The following PPM1H variants were observed in gnomAD, a reference collection of about 807,000 sequenced individuals.
PPM1H encodes the protein protein phosphatase, Mg2+/Mn2+ dependent 1H.
In PPM1H, 27 loss-of-function variants were observed where a neutral mutation model predicts 54.9. The observed-to-expected ratio is 0.49, with a 90% CI of 0.36 to 0.68. The LOEUF (loss-of-function observed/expected upper bound fraction) is 0.68. Among genes scored for constraint, PPM1H ranks in the 30% least tolerant of loss-of-function variants. The probability of loss-of-function intolerance (pLI) is 0.00; values close to 1 mark genes in which losing one functional copy is unlikely to be tolerated. For synonymous variants in PPM1H, 305 were observed against 270.8 expected (o/e 1.13, Z -1.24); for missense variants, 596 against 667.8 (o/e 0.89, Z 1.19).
Position 62,711,644 on chromosome 12 carries a change from T to C in PPM1H, c.1073+8527A>G, listed in dbSNP as rs116362399. Among the ~76,000 whole-genome samples the C allele has an allele frequency of 2.6e-3, 398 of 152,176 alleles. 3 individuals are homozygous for C. Among genetic ancestry groups the C allele is most frequent in the African/African-American group, 9.4e-3 (390 of 41,526 alleles). ...AGCGCCGTGTGACTCTGCTTAAGCGTATGTGGATAATAGATATAAATGCTG... is the reference window on the plus strand; with the variant it reads ...AGCGCCGTGTGACTCTGCTTAAGCGCATGTGGATAATAGATATAAATGCTG... On this transcript the variant is annotated intron_variant, in intron 6 of 9. Coordinates refer to ENST00000228705, the MANE Select transcript of PPM1H (RefSeq NM_020700.2).
rs1868903015 is a variant in PPM1H at position 62,844,919 on chromosome 12, C to G, written c.246-12640G>C. Among the ~76,000 whole-genome samples the G allele has an allele frequency of 6.6e-6, 1 of 152,174 alleles. No individual in the cohort carries two copies. The highest frequency in any genetic ancestry group is 1.5e-5 in the Non-Finnish European group (1 of 68,030). On this transcript the variant is annotated intron_variant, in intron 1 of 9. Coordinates refer to ENST00000228705, the MANE Select transcript of PPM1H (RefSeq NM_020700.2). The surrounding 1 kb of genome is among the most constrained non-coding windows in gnomAD (Gnocchi z 5.2). ...AAAAAATTAATTATAAGCACTTCTA[C>G]TAGGAAATGAGCTTGGGAGTAGGAT...
At chr12:62,755,470 T>C in intron 4 of PPM1H, 2 of 682,092 alleles carry the variant, frequency 2.9e-6, no homozygotes, top group Admixed American at 3.6e-5. Context: ...GCGAGATCCC[T>C]CCAAAATCAG....
intron 8 of PPM1H, among the ~76,000 whole-genome samples, chr12:62,684,713 A>G (rs2076042022): frequency 6.6e-6 from 1 of 152,184 alleles, no homozygotes; most frequent in Non-Finnish European, 1.5e-5. Flanking sequence ...GCAAAGACAG[A>G]ACATAGCAGG....
At chr12:62,733,713 T>C (rs915533378) in intron 5 of PPM1H, among the ~76,000 whole-genome samples, 13 of 152,358 alleles carry the variant, frequency 8.5e-5, no homozygotes, top group Admixed American at 2.0e-4. Context: ...GAGAAATGTT[T>C]TTAGTTATAA....
chr12:62,840,917 C>A (rs1285269314), intron 1 of PPM1H, among the ~76,000 whole-genome samples: 1 of 151,264 alleles, frequency 6.6e-6, no homozygotes, highest in Non-Finnish European at 1.5e-5. Context: ...CAGGCAGGGT[C>A]TCTTACAATA....
chr12:62,870,133 A>T (rs1869926496), intron 1 of PPM1H, among the ~76,000 whole-genome samples: 1 of 152,208 alleles, frequency 6.6e-6, no homozygotes, highest in Non-Finnish European at 1.5e-5. Context: ...AGTGCAGTGA[A>T]ATAAACTCTA....
In PPM1H at chr12:62,889,740, T is replaced by C. The variant is rs567282445; in HGVS notation, c.245+44752A>G. Among the ~76,000 whole-genome samples, 5 of 152,296 alleles carry C rather than the reference T, an allele frequency of 3.3e-5. No individual in the cohort carries two copies. The South Asian group carries it at 1.0e-3, about 32-fold the overall frequency. ...AAATCCACATGCAAAAAAATGACTC[T>C]AGACACAGATTTTACACATTTCACA... On this transcript the variant is annotated intron_variant, in intron 1 of 9. Coordinates refer to ENST00000228705, the MANE Select transcript of PPM1H (RefSeq NM_020700.2).
chr12:62,741,617 C>T (rs2076381242), intron 4 of PPM1H, among the ~76,000 whole-genome samples: 2 of 152,178 alleles, frequency 1.3e-5, no homozygotes, highest in Non-Finnish European at 2.9e-5. Context: ...CTGGCCTACC[C>T]TCCATGCCCC....
intron 1 of PPM1H, among the ~76,000 whole-genome samples, chr12:62,919,299 GTA>G (rs1871718469): frequency 1.3e-5 from 2 of 152,192 alleles, no homozygotes; most frequent in South Asian, 4.1e-4. Flanking sequence ...ACTCATCTGA[GTA>G]TAGTTTGTTG....
chr12:62,672,779 T>C (rs774261798), intron 8 of PPM1H, among the ~76,000 whole-genome samples: 5 of 152,176 alleles, frequency 3.3e-5, no homozygotes, highest in African/African-American at 9.6e-5. Flanking sequence ...ACCCAGGGGG[T>C]TGGTCATCTT....
intron 9 of PPM1H, among the ~76,000 whole-genome samples, chr12:62,654,317 C>CA (rs1001297101): frequency 2.0e-5 from 3 of 149,760 alleles, no homozygotes; most frequent in African/African-American, 7.4e-5. Flanking sequence ...CACTAGGAGG[C>CA]AAAATGGCCG....
chr12:62,860,429 G>T, intron 1 of PPM1H, among the ~76,000 whole-genome samples: 1 of 152,094 alleles, frequency 6.6e-6, no homozygotes. Context: ...TACCTTTCAA[G>T]CCTAAAGATC....
chr12:62,915,289 C>T (rs1871584835), intron 1 of PPM1H, among the ~76,000 whole-genome samples: 1 of 152,178 alleles, frequency 6.6e-6, no homozygotes, highest in Non-Finnish European at 1.5e-5. Context: ...TATTTCTTGG[C>T]ATATGTGGTG....
intron 8 of PPM1H, among the ~76,000 whole-genome samples, chr12:62,678,000 C>A (rs2075997513): frequency 6.6e-6 from 1 of 151,844 alleles, no homozygotes; most frequent in African/African-American, 2.4e-5. Flanking sequence ...GACAATTGTG[C>A]ACTGGTGCAA....
chr12:62,670,508 A>G (rs2075951193), intron 8 of PPM1H, among the ~76,000 whole-genome samples: 1 of 152,146 alleles, frequency 6.6e-6, no homozygotes, highest in African/African-American at 2.4e-5. Flanking sequence ...GTAGGGTGCC[A>G]AACCCTCTTT....
At chr12:62,657,927 C>T (rs1028891657) in intron 9 of PPM1H, among the ~76,000 whole-genome samples, 2 of 152,046 alleles carry the variant, frequency 1.3e-5, no homozygotes, top group Non-Finnish European at 2.9e-5. Flanking sequence ...GAAGGCTTCT[C>T]TCATTAGAGA....
chr12:62,719,588 A>G (rs887313466), intron 6 of PPM1H, among the ~76,000 whole-genome samples: 1 of 152,216 alleles, frequency 6.6e-6, no homozygotes, highest in African/African-American at 2.4e-5. Flanking sequence ...ATGCTTACAC[A>G]GTTGTGTTTT....
At chr12:62,827,576 T>C (rs994961884) in intron 2 of PPM1H, among the ~76,000 whole-genome samples, 1 of 152,212 alleles carries the variant, frequency 6.6e-6, no homozygotes, top group African/African-American at 2.4e-5. Flanking sequence ...ACCCTTGTGA[T>C]GCCTGCTTAC....
intron 5 of PPM1H, among the ~76,000 whole-genome samples, chr12:62,733,503 C>A (rs1432632075): frequency 6.6e-6 from 1 of 152,110 alleles, no homozygotes; most frequent in Non-Finnish European, 1.5e-5. Context: ...GTGATCTGCC[C>A]ACCTTGGCCT....
Sources: allele counts gnomAD v4.1 joint callset (sites outside exome capture counted in the v4.1 genomes callset), GRCh38; gene constraint gnomAD v4.1.1; non-coding constraint Gnocchi (gnomAD v3.1); transcripts MANE v1.5; gene names NCBI Gene and HGNC (gene_info 2026-07-23, HGNC 2026-07-21).